Variants in PDE4D observed in about 807,000 individuals in gnomAD.
The protein encoded by PDE4D is 3',5'-cyclic-AMP phosphodiesterase 4D.
Under a neutral mutation model 87.4 loss-of-function variants are expected in PDE4D, and 24 were observed. The observed-to-expected ratio is 0.27, with a 90% CI of 0.20 to 0.39. The LOEUF (loss-of-function observed/expected upper bound fraction) is 0.39, where lower values mean the gene tolerates loss of function less well. Ranked by LOEUF, PDE4D falls within the 10% of genes least tolerant of loss-of-function variation. The probability of loss-of-function intolerance (pLI) is 1.00; values close to 1 mark genes in which losing one functional copy is unlikely to be tolerated. For synonymous variants in PDE4D, 384 were observed against 383.2 expected (o/e 1.00, Z -0.02); for missense variants, 714 against 1,041.0 (o/e 0.69, Z 4.32).
At position 60,056,389 on chromosome 5, in the gene PDE4D, C is replaced by T. The variant is rs117354479; in HGVS notation, c.43-67672G>A. On this transcript the variant is annotated intron_variant, in intron 2 of 16. Coordinates refer to the PDE4D transcript ENST00000502484. ...TCATAATGTGAATGATGAAGGAAGA[C>T]GGGAAGCAGCAGTAGCAGGACAATC... 5.3e-4 allele frequency among the ~76,000 whole-genome samples: 81 copies of T among 151,984 alleles called. 1 individual carries two copies. In the East Asian group the frequency reaches 0.015, roughly 27 times the overall value.
At chr5:59,330,897 G>A (rs1263174511) in intron 1 of PDE4D, among the ~76,000 whole-genome samples, 2 of 152,022 alleles carry the variant, frequency 1.3e-5, no homozygotes, top group Non-Finnish European at 2.9e-5. Context: ...TTCTGACATC[G>A]TGATGGATGC....
At chr5:59,276,007 C>A (rs1277214976) in intron 1 of PDE4D, 3 of 984,558 alleles carry the variant, frequency 3.0e-6, no homozygotes, top group Non-Finnish European at 3.6e-6. Flanking sequence ...TGCTTAGAAT[C>A]CAGGGTTTTG....
intron 1 of PDE4D, among the ~76,000 whole-genome samples, chr5:59,522,477 C>T (rs1015069185): frequency 5.3e-5 from 8 of 152,150 alleles, no homozygotes; most frequent in Admixed American, 2.6e-4. Flanking sequence ...TTCCTCAGTC[C>T]TGAGTTACTT....
At chr5:59,690,950 C>G (rs1750804078) in intron 1 of PDE4D, among the ~76,000 whole-genome samples, 1 of 152,108 alleles carries the variant, frequency 6.6e-6, no homozygotes, top group Non-Finnish European at 1.5e-5. Context: ...ATTTATGCAG[C>G]CAACAGACAC....
intron 1 of PDE4D, among the ~76,000 whole-genome samples, chr5:60,324,869 A>T (rs1756637642): frequency 6.6e-6 from 1 of 152,250 alleles, no homozygotes; most frequent in South Asian, 2.1e-4. Context: ...AACAGAAAAC[A>T]AAGTATAGTC....
intron 1 of PDE4D, among the ~76,000 whole-genome samples, chr5:59,649,903 ACC>A (rs757860137): frequency 1.1e-3 from 23 of 20,228 alleles, no homozygotes; most frequent in Middle Eastern, 0.024. Context: ...TAGTTTGTGA[ACC>A]TTTTTTTTTT....
intron 1 of PDE4D, among the ~76,000 whole-genome samples, chr5:59,697,581 T>C (rs1401264617): frequency 6.6e-6 from 1 of 152,218 alleles, no homozygotes; most frequent in African/African-American, 2.4e-5. Context: ...AGTTTCACTA[T>C]GCTCATTTAA....
chr5:59,050,267 CAA>C (rs999780161), intron 5 of PDE4D, among the ~76,000 whole-genome samples: 6 of 151,962 alleles, frequency 3.9e-5, no homozygotes, highest in African/African-American at 1.4e-4. Flanking sequence ...AACTCTGTCC[CAA>C]AAAAAGAGAA....
intron 1 of PDE4D, among the ~76,000 whole-genome samples, chr5:59,378,956 G>T (rs1222148509): frequency 1.4e-5 from 2 of 139,742 alleles, no homozygotes; most frequent in Non-Finnish European, 3.1e-5. Context: ...AGGAGCATGA[G>T]TGTGTGTGTC....
At chr5:59,635,620 T>C (rs1832140966) in intron 1 of PDE4D, among the ~76,000 whole-genome samples, 2 of 152,046 alleles carry the variant, frequency 1.3e-5, no homozygotes, top group South Asian at 4.1e-4. Flanking sequence ...ATCACATAAA[T>C]GAAACCAATG....
intron 1 of PDE4D, among the ~76,000 whole-genome samples, chr5:60,299,961 T>C (rs1036598710): frequency 2.6e-5 from 4 of 152,204 alleles, no homozygotes; most frequent in Admixed American, 2.6e-4. Context: ...TCAAGGTCTT[T>C]GAGGAATCGC....
intron 1 of PDE4D, among the ~76,000 whole-genome samples, chr5:59,734,693 T>TA (rs35720201): frequency 0.3 from 45,347 of 151,856 alleles, 6,977 homozygotes; most frequent in Middle Eastern, 0.5. Context: ...GTCATGGACT[T>TA]AAAAAAAATT....
At chr5:60,118,286 C>T (rs144042538) in intron 2 of PDE4D, among the ~76,000 whole-genome samples, 139 of 152,240 alleles carry the variant, frequency 9.1e-4, no homozygotes, top group Middle Eastern at 3.4e-3. Flanking sequence ...ACCTCTGGCT[C>T]CTTGAGACTG....
intron 1 of PDE4D, among the ~76,000 whole-genome samples, chr5:60,421,093 C>T (rs1457119888): frequency 1.3e-5 from 2 of 152,238 alleles, no homozygotes; most frequent in Admixed American, 6.5e-5. Flanking sequence ...ATAGACTCCA[C>T]CTCTGTGGGC....
chr5:59,395,434 C>T (rs556083726), intron 1 of PDE4D, among the ~76,000 whole-genome samples: 10 of 152,196 alleles, frequency 6.6e-5, no homozygotes, highest in African/African-American at 2.4e-4. Flanking sequence ...GACCCCTGAC[C>T]CCCGAGCAGC....
chr5:59,006,695 C>T (rs1478690218), intron 6 of PDE4D, among the ~76,000 whole-genome samples: 1 of 152,210 alleles, frequency 6.6e-6, no homozygotes, highest in Non-Finnish European at 1.5e-5. Flanking sequence ...CTTGTTTTCT[C>T]AGTCCTTACC....
At chr5:60,464,377 CA>C (rs1747185696) in intron 1 of PDE4D, among the ~76,000 whole-genome samples, 1 of 152,120 alleles carries the variant, frequency 6.6e-6, no homozygotes, top group African/African-American at 2.4e-5. Flanking sequence ...GAAATGCTAT[CA>C]GGTAAAAATC....
chr5:60,160,111 C>G (rs181558076), intron 2 of PDE4D, among the ~76,000 whole-genome samples: 1 of 152,168 alleles, frequency 6.6e-6, no homozygotes, highest in Non-Finnish European at 1.5e-5. Context: ...TCCATTTCCA[C>G]TTAATGAATG....
At chr5:59,620,515 A>G (rs1830225481) in intron 1 of PDE4D, among the ~76,000 whole-genome samples, 1 of 152,184 alleles carries the variant, frequency 6.6e-6, no homozygotes, top group Non-Finnish European at 1.5e-5. Context: ...CTGATGACAA[A>G]GTTCAGAGTG....
Sources: gnomAD v4.1 joint callset for allele counts (sites outside exome capture counted in the v4.1 genomes callset) on GRCh38, gnomAD v4.1.1 for gene constraint, MANE v1.5 for transcripts, NCBI Gene and HGNC (gene_info 2026-07-23, HGNC 2026-07-21) for gene names.